Variants in CDH23 observed in about 807,000 individuals in gnomAD.
CDH23 encodes cadherin-23.
A neutral mutation model predicts 317.1 loss-of-function variants in CDH23; 189 were observed. The ratio of observed to expected loss-of-function variants is 0.60; its 90% confidence interval spans 0.53 to 0.67. CDH23 has a LOEUF of 0.67. Ranked by LOEUF, CDH23 falls within the 30% of genes least tolerant of loss-of-function variation. The pLI is 0.00. For missense variants in CDH23, 4,401 were observed against 4,592.4 expected, an observed-to-expected ratio of 0.96 and a Z score of 1.20; for synonymous variants, 1,839 against 1,876.8, an observed-to-expected ratio of 0.98 and a Z score of 0.52.
rs117904445 is a variant in CDH23 at position 71,570,288 on chromosome 10, G to A, written c.625-502G>A. Among the ~76,000 whole-genome samples, 1,340 of 152,264 alleles carry A rather than the reference G, an allele frequency of 8.8e-3. 23 individuals carry two copies. The highest frequency in any genetic ancestry group is 0.047 in the Admixed American group (720 of 15,292). ...AGGTGCCAGATTAATCCCCTCTGTGGCCTTTCTTCTGAGGAGTCCCCATCT... is the reference window on the plus strand; with the variant it reads ...AGGTGCCAGATTAATCCCCTCTGTGACCTTTCTTCTGAGGAGTCCCCATCT... On this transcript the variant is annotated intron_variant, in intron 7 of 69. Transcript: ENST00000224721.
intron 1 of CDH23, among the ~76,000 whole-genome samples, chr10:71,425,905 T>C (rs1029101396): frequency 2.6e-5 from 4 of 152,236 alleles, no homozygotes; most frequent in African/African-American, 9.6e-5. Flanking sequence ...TGGAAGCTGC[T>C]GGGTTCTCAG....
At chr10:71,558,538 A>G (rs749034955) in intron 6 of CDH23, among the ~76,000 whole-genome samples, 3 of 152,026 alleles carry the variant, frequency 2.0e-5, no homozygotes, top group Non-Finnish European at 2.9e-5. Flanking sequence ...CATATTAAAG[A>G]TGCTTATTGT....
Position 71,397,294 on chromosome 10 carries a change from C to CGT in CDH23, c.-29_-28insTG. 7.4e-6 allele frequency: 1 copy of CGT among 135,474 alleles called. No homozygotes were observed. Among genetic ancestry groups the CGT allele is most frequent in the Non-Finnish European group, 1.7e-5 (1 of 58,124 alleles). 8.4% of individuals were successfully genotyped at this position (135,474 alleles called of 1,614,324 possible). On this transcript the variant is annotated 5_prime_UTR_variant, in exon 1 of 70. Coordinates refer to ENST00000224721, the MANE Select transcript of CDH23 (RefSeq NM_022124.6). This position sits in a 1 kb window ranked among gnomAD's most constrained non-coding sequence, Gnocchi z 4.8. The stretch of plus-strand genomic sequence containing the variant: ...GCAGAGCCCGAGGCGAGGCGAGGCG[C>CGT]GGCGCCGCTGCACACACGCACACGG...
chr10:71,488,025 C>A (rs560752096), intron 3 of CDH23, among the ~76,000 whole-genome samples: 16 of 152,360 alleles, frequency 1.1e-4, no homozygotes, highest in African/African-American at 3.4e-4. Context: ...GGCCTTGGCC[C>A]CTGCCCCTCT....
At chr10:71,610,668 A>G (rs1015945688) in intron 9 of CDH23, among the ~76,000 whole-genome samples, 18 of 152,248 alleles carry the variant, frequency 1.2e-4, no homozygotes, top group African/African-American at 4.3e-4. Context: ...AGTGGCTGCT[A>G]CTTTTTAATA....
intron 9 of CDH23, among the ~76,000 whole-genome samples, chr10:71,579,196 A>G (rs1413777342): frequency 6.7e-6 from 1 of 148,708 alleles, no homozygotes; most frequent in African/African-American, 2.4e-5. Context: ...GTTAGCTAGT[A>G]GGAGGGAGAC....
chr10:71,579,068 G>A (rs995056740), intron 9 of CDH23, among the ~76,000 whole-genome samples: 4 of 152,196 alleles, frequency 2.6e-5, no homozygotes, highest in Non-Finnish European at 1.5e-5. Flanking sequence ...TCAAGGTGAT[G>A]TAAGGGTCAG....
intron 6 of CDH23, among the ~76,000 whole-genome samples, chr10:71,532,737 T>TTTTTTTG (rs1855470651): frequency 1.2e-5 from 1 of 86,222 alleles, no homozygotes; most frequent in Non-Finnish European, 2.3e-5. Context: ...GTTTTTTTTT[T>TTTTTTTG]TTTTTTTTTT....
intron 6 of CDH23, among the ~76,000 whole-genome samples, chr10:71,542,619 G>A (rs1479985473): frequency 2.0e-5 from 3 of 152,192 alleles, no homozygotes; most frequent in South Asian, 2.1e-4. Context: ...CTCAGCAGGC[G>A]CCCACCTAGG....
At chr10:71,773,579 C>T in intron 38 of CDH23, 1 of 710,482 alleles carries the variant, frequency 1.4e-6, no homozygotes. Flanking sequence ...GCACCCGCCC[C>T]CTTCGCGCAG....
intron 9 of CDH23, among the ~76,000 whole-genome samples, chr10:71,589,239 C>T (rs1240014198): frequency 2.0e-5 from 3 of 152,170 alleles, no homozygotes; most frequent in Non-Finnish European, 4.4e-5. Flanking sequence ...CCTGCCTTAG[C>T]CTCCCAAGTA....
At chr10:71,775,238 G>A (rs1428024947) in intron 38 of CDH23, among the ~76,000 whole-genome samples, 1 of 152,144 alleles carries the variant, frequency 6.6e-6, no homozygotes, top group Non-Finnish European at 1.5e-5. Context: ...CAAGTGAGGG[G>A]GGTCCCTTAA....
chr10:71,436,306 C>T (rs527907077), intron 1 of CDH23, among the ~76,000 whole-genome samples: 3 of 152,340 alleles, frequency 2.0e-5, no homozygotes, highest in South Asian at 4.1e-4. Context: ...GGTTGGGGGC[C>T]CAGTGTGCCT....
intron 3 of CDH23, among the ~76,000 whole-genome samples, chr10:71,458,818 C>T (rs1412088347): frequency 6.6e-6 from 1 of 152,156 alleles, no homozygotes; most frequent in Non-Finnish European, 1.5e-5. Flanking sequence ...GATGGAGTCT[C>T]GCTCTGTTTC....
At chr10:71,577,257 C>T (rs188669075) in intron 8 of CDH23, among the ~76,000 whole-genome samples, 5 of 152,256 alleles carry the variant, frequency 3.3e-5, no homozygotes, top group Admixed American at 3.3e-4. Flanking sequence ...CCAGCTCCTG[C>T]CCCTTCTCCA....
chr10:71,414,232 G>A (rs1427266810), intron 1 of CDH23, among the ~76,000 whole-genome samples: 1 of 152,142 alleles, frequency 6.6e-6, no homozygotes, highest in African/African-American at 2.4e-5. Context: ...AATGGAAATG[G>A]CAATAGAAGG....
Position 71,785,742 on chromosome 10 carries a change from A to T in CDH23, c.5820+4A>T. 6.4e-7 allele frequency: 1 copy of T among 1,568,220 alleles called. No homozygotes were observed. On this transcript the variant is annotated splice_donor_region_variant and intron_variant, in intron 44 of 69. Coordinates refer to ENST00000224721, the MANE Select transcript of CDH23 (RefSeq NM_022124.6). The stretch of plus-strand genomic sequence containing the variant: ...GAATCCACGCATAGCCAGGAGGGTG[A>T]GACTGGAGGGCACTGGTGGGAGTGG...
intron 1 of CDH23, among the ~76,000 whole-genome samples, chr10:71,411,219 G>A (rs1044819375): frequency 1.3e-5 from 2 of 152,152 alleles, no homozygotes; most frequent in African/African-American, 4.8e-5. Context: ...AAGTCAATTT[G>A]AGGAAAATTG....
chr10:71,420,802 G>A (rs2131949769), intron 1 of CDH23, among the ~76,000 whole-genome samples: 1 of 152,220 alleles, frequency 6.6e-6, no homozygotes, highest in East Asian at 1.9e-4. Context: ...AGCAAGTTTG[G>A]CAGTCAGCCT....
Sources: gnomAD v4.1 joint callset for allele counts (sites outside exome capture counted in the v4.1 genomes callset) on GRCh38, gnomAD v4.1.1 for gene constraint, Gnocchi (gnomAD v3.1) non-coding constraint, MANE v1.5 for transcripts, NCBI Gene and HGNC (gene_info 2026-07-23, HGNC 2026-07-21) for gene names.